The following WDR72 variants were observed in gnomAD, a reference collection of about 807,000 sequenced individuals.
WDR72 encodes the protein WD repeat domain 72.
In WDR72, 120 loss-of-function variants were observed where a neutral mutation model predicts 124.2. The ratio of observed to expected loss-of-function variants is 0.97; its 90% CI spans 0.83 to 1.12. The LOEUF is 1.12. WDR72 is among the 50% of genes most tolerant of loss of function. The pLI is 0.00. For synonymous variants in WDR72, 452 were observed against 441.7 expected (o/e 1.02, Z -0.29); for missense variants, 1,387 against 1,278.8 (o/e 1.08, Z -1.29).
chr15:53,676,577 C>T (rs933285586), intron 13 of WDR72, among the ~76,000 whole-genome samples: 9 of 152,132 alleles, frequency 5.9e-5, no homozygotes, highest in Non-Finnish European at 1.2e-4. Context: ...CCAGCAAGGC[C>T]CTCAGACCTA....
chr15:53,535,014 G>A (rs1892685222), intron 18 of WDR72, among the ~76,000 whole-genome samples: 1 of 151,834 alleles, frequency 6.6e-6, no homozygotes, highest in South Asian at 2.1e-4. Flanking sequence ...CAGAGAGGGA[G>A]GTGATAAAAT....
At chr15:53,711,038 A>C in intron 8 of WDR72, 85 bp from the exon 9 acceptor site, 2 of 1,172,830 alleles carry the variant, frequency 1.7e-6, no homozygotes, top group Non-Finnish European at 2.5e-6. Flanking sequence ...CAAAAGCCGG[A>C]TGGTACCGTT....
intron 18 of WDR72, among the ~76,000 whole-genome samples, chr15:53,590,886 G>A (rs1011011770): frequency 2.0e-5 from 3 of 152,032 alleles, no homozygotes; most frequent in Non-Finnish European, 4.4e-5. Context: ...TAAGGGTTAG[G>A]AAAAGAAGGC....
intron 1 of WDR72, among the ~76,000 whole-genome samples, chr15:53,734,882 TA>T (rs2018306814): frequency 6.6e-6 from 1 of 151,780 alleles, no homozygotes; most frequent in Non-Finnish European, 1.5e-5. Flanking sequence ...GAGTTATGTA[TA>T]ATACTTTTAT....
At chr15:53,730,322 T>C (rs1168531130) in intron 2 of WDR72, among the ~76,000 whole-genome samples, 4 of 152,214 alleles carry the variant, frequency 2.6e-5, no homozygotes, top group Non-Finnish European at 5.9e-5. Context: ...GTCAAATTCA[T>C]AGAGATAGAA....
At position 53,713,411 on chromosome 15, in the gene WDR72, G is replaced by GTATTTTATTTTATTTTATTTTATTT. The variant is rs11272007; in HGVS notation, c.592-545_592-521dup. Among the ~76,000 whole-genome samples, 69 of 88,690 alleles carry GTATTTTATTTTATTTTATTTTATTT rather than the reference G, an allele frequency of 7.8e-4. 1 individual carries two copies. Among genetic ancestry groups the GTATTTTATTTTATTTTATTTTATTT allele is most frequent in the African/African-American group, 2.3e-3 (61 of 26,222 alleles). The allele number at this position is 88,690 out of a possible 152,430, so 58.2% of individuals were successfully genotyped here. A position where few individuals can be genotyped will look rare whatever the true frequency, so the allele number is the denominator to read the frequency against. ...GTATTTTATTTTATTTTATTTTGTT[G>GTATTTTATTTTATTTTATTTTATTT]TATTTTATTTTATTTTATTTTATTT... is the stretch of plus-strand genomic sequence containing the variant. On this transcript the variant is annotated intron_variant, in intron 6 of 19. Transcript: ENST00000360509.
intron 18 of WDR72, among the ~76,000 whole-genome samples, chr15:53,574,334 TC>T (rs1894675087): frequency 6.6e-6 from 1 of 152,168 alleles, no homozygotes; most frequent in African/African-American, 2.4e-5. Context: ...CTCAAAACTA[TC>T]TTTTAACTTA....
chr15:53,686,207 A>G (rs2140492036), intron 13 of WDR72, among the ~76,000 whole-genome samples: 1 of 150,812 alleles, frequency 6.6e-6, no homozygotes, highest in South Asian at 2.1e-4. Flanking sequence ...TTCACACATA[A>G]CAATATTAAC....
At chr15:53,655,257 A>G (rs957437063) in intron 14 of WDR72, among the ~76,000 whole-genome samples, 2 of 148,152 alleles carry the variant, frequency 1.3e-5, no homozygotes, top group Admixed American at 6.7e-5. Context: ...AAAAAAAAAA[A>G]AAAGAGATCT....
intron 19 of WDR72, 105 bp downstream of exon 19, chr15:53,523,113 G>A (rs1229431589): frequency 2.1e-5 from 22 of 1,043,408 alleles, no homozygotes; most frequent in Middle Eastern, 2.2e-4. Flanking sequence ...CAGCTGCTAA[G>A]AGAAAACAGC....
At chr15:53,619,774 T>C (rs1437486179) in intron 14 of WDR72, among the ~76,000 whole-genome samples, 1 of 152,090 alleles carries the variant, frequency 6.6e-6, no homozygotes. Context: ...CTGTCTGGAA[T>C]TGTGCTCTCG....
At chr15:53,542,886 A>C (rs1357906618) in intron 18 of WDR72, among the ~76,000 whole-genome samples, 1 of 141,822 alleles carries the variant, frequency 7.1e-6, no homozygotes, top group Non-Finnish European at 1.5e-5. Flanking sequence ...AAAGATCAAA[A>C]GAGACAAAGA....
At chr15:53,576,628 T>C (rs1269663512) in intron 18 of WDR72, among the ~76,000 whole-genome samples, 2 of 152,098 alleles carry the variant, frequency 1.3e-5, no homozygotes, top group Non-Finnish European at 2.9e-5. Context: ...ATACAGAATT[T>C]TTCAACTTAA....
In WDR72 at chr15:53,615,846, T is replaced by A. The variant is rs370789138; in HGVS notation, c.2360A>T (p.Asp787Val). ...KMQPKPSRKVDASLTIDTAKL... is the reference protein window; with the variant it reads ...KMQPKPSRKVVASLTIDTAKL... Reference sequence around the variant, plus strand: ...TGCTGTGTCTATTGTGAGACTGGCATCTACTTTTCTTGATGGCTTAGGCTG... The same window carrying A: ...TGCTGTGTCTATTGTGAGACTGGCAACTACTTTTCTTGATGGCTTAGGCTG... Residue 787 changes from aspartate to valine, a missense_variant, in exon 15 of 20, where the codon GAT (aspartate) becomes GTT (valine). Coordinates refer to ENST00000360509, the MANE Select transcript of WDR72 (RefSeq NM_182758.4). 2 of 1,613,512 alleles carry A rather than the reference T, an allele frequency of 1.2e-6. No individual in the cohort carries two copies. The highest frequency in any genetic ancestry group is 1.7e-6 in the Non-Finnish European group (2 of 1,179,680).
intron 19 of WDR72, among the ~76,000 whole-genome samples, chr15:53,518,790 T>A (rs1051228488): frequency 6.6e-6 from 1 of 152,004 alleles, no homozygotes; most frequent in East Asian, 1.9e-4. Flanking sequence ...CCACCTTGGC[T>A]TTTCACAGTA....
chr15:53,715,097 T>A, intron 5 of WDR72, 96 bp downstream of exon 5: 2 of 1,368,586 alleles, frequency 1.5e-6, no homozygotes, highest in Non-Finnish European at 1.0e-6. Flanking sequence ...AAAGAAGCAT[T>A]CTTTCTGAAT....
At chr15:53,557,408 T>A (rs997953563) in intron 18 of WDR72, among the ~76,000 whole-genome samples, 1 of 152,066 alleles carries the variant, frequency 6.6e-6, no homozygotes, top group Non-Finnish European at 1.5e-5. Context: ...TGTGTGAGCT[T>A]AAGGGTCTCT....
chr15:53,556,805 T>C (rs569797255), intron 18 of WDR72, among the ~76,000 whole-genome samples: 1 of 152,252 alleles, frequency 6.6e-6, no homozygotes, highest in African/African-American at 2.4e-5. Context: ...ACCTGGTCTT[T>C]ACAGAAATGT....
intron 13 of WDR72, among the ~76,000 whole-genome samples, chr15:53,682,044 A>G (rs2016407358): frequency 1.3e-5 from 2 of 152,190 alleles, no homozygotes; most frequent in Non-Finnish European, 2.9e-5. Flanking sequence ...AATTTGGGGG[A>G]AAAATTACAT....
Sources: allele counts gnomAD v4.1 joint callset (sites outside exome capture counted in the v4.1 genomes callset), GRCh38; gene constraint gnomAD v4.1.1; transcripts MANE v1.5; gene names NCBI Gene and HGNC (gene_info 2026-07-23, HGNC 2026-07-21).